The following FBH1 variants were observed in gnomAD, a reference collection of about 807,000 sequenced individuals.
FBH1 encodes F-box DNA helicase 1.
A neutral mutation model predicts 115.5 loss-of-function variants in FBH1; 43 were observed. That is an observed-to-expected ratio of 0.37 (90% confidence interval 0.29 to 0.48). The LOEUF is 0.48. FBH1 is among the 20% of genes least tolerant of loss of function. The probability of loss-of-function intolerance (pLI) is 0.99; values close to 1 mark genes in which losing one functional copy is unlikely to be tolerated. For missense variants in FBH1, 1,001 were observed against 1,337.3 expected (o/e 0.75, Z 3.92); for synonymous variants, 524 against 507.8 (o/e 1.03, Z -0.43).
chr10:5,936,866 T>C lies in FBH1; in HGVS notation c.2962-244T>C, dbSNP rs1343481884. On this transcript the variant is annotated intron_variant, in intron 20 of 20. Transcript: ENST00000362091. The surrounding 1 kb of genome is among the most constrained non-coding windows in gnomAD (Gnocchi z 5.6). ...TTCCCTGGGGTCCCAGCGCAGCTTT[T>C]CTTGGTTCTTTATCTTGACTGGATA... is the stretch of plus-strand genomic sequence containing the variant. The C allele has an allele frequency of 3.3e-6, 2 of 600,002 alleles. No individual in the cohort carries two copies. Among genetic ancestry groups the C allele is most frequent in the African/African-American group, 3.7e-5 (2 of 53,988 alleles). The allele number at this position is 600,002 out of a possible 1,614,324, so 37.2% of individuals were successfully genotyped here. A position where few individuals can be genotyped will look rare whatever the true frequency, so the allele number is the denominator to read the frequency against.
Position 5,917,010 on chromosome 10 carries a change from ATC to A in FBH1, c.1789-405_1789-404del, listed in dbSNP as rs1253518572. 2.4e-5 allele frequency: 5 copies of A among 208,150 alleles called. No homozygotes were observed. The highest frequency in any genetic ancestry group is 9.3e-5 in the African/African-American group (4 of 43,100). The allele number at this position is 208,150 out of a possible 1,614,324, so 12.9% of individuals were successfully genotyped here. Reference sequence around the variant, plus strand: ...AAACTGATCTTAACTGAAGGCTGGAATCTCTCCTGATTTTCTTGGGTTATTGG... The same window carrying A: ...AAACTGATCTTAACTGAAGGCTGGAATCTCCTGATTTTCTTGGGTTATTGG... On this transcript the variant is annotated intron_variant, in intron 10 of 20. Coordinates refer to ENST00000362091, the MANE Select transcript of FBH1 (RefSeq NM_178150.3). The surrounding 1 kb of genome is among the most constrained non-coding windows in gnomAD (Gnocchi z 5.6).
intron 1 of FBH1, chr10:5,891,212 C>T: frequency 3.1e-6 from 3 of 983,138 alleles, no homozygotes; most frequent in African/African-American, 1.7e-5. Context: ...AATGAAAAGA[C>T]TTCTGGAATG....
chr10:5,903,035 G>T lies in FBH1; in HGVS notation c.17G>T (p.Arg6Leu), dbSNP rs142553018. 1.9e-6 allele frequency: 3 copies of T among 1,611,830 alleles called. No homozygotes were observed. Among genetic ancestry groups the T allele is most frequent in the Non-Finnish European group, 2.5e-6 (3 of 1,178,826 alleles). Residue 6 changes from arginine to leucine, a missense_variant, in exon 2 of 21, where the codon CGG becomes CTG. Arg to Leu is a moderately radical substitution (Grantham distance 102). Transcript: ENST00000362091. MRRFK[R>L]KHLTAIDCQH... is the part of the protein sequence containing the mutation. The stretch of plus-strand genomic sequence containing the variant: ...TATGAAACAGTGAGACGGTTTAAGC[G>T]GAAGCATCTTACTGCCATTGACTGC...
rs1831887458 is a variant in FBH1 at position 5,915,745 on chromosome 10, C to T, written c.1565+174C>T. 2 of 614,226 alleles carry T rather than the reference C, an allele frequency of 3.3e-6. No individual in the cohort carries two copies. The highest frequency in any genetic ancestry group is 4.0e-5 in the South Asian group (2 of 49,914). 38.0% of individuals were successfully genotyped at this position (614,226 alleles called of 1,614,324 possible). A position where few individuals can be genotyped will look rare whatever the true frequency, so the allele number is the denominator to read the frequency against. ...TAGGTTTAGCCATTTGTACTTTTAT[C>T]CTGTAGCAACATATTGTTTACATAT... On this transcript the variant is annotated intron_variant, in intron 9 of 20. Transcript: ENST00000362091. The surrounding 1 kb of genome is among the most constrained non-coding windows in gnomAD (Gnocchi z 5.2).
intron 9 of FBH1, 93 bp from the exon 10 acceptor site, chr10:5,916,141 T>C: frequency 9.0e-7 from 1 of 1,115,458 alleles, no homozygotes; most frequent in Non-Finnish European, 1.3e-6. Context: ...CACTTGAAGC[T>C]ACCTCCTGGT....
At chr10:5,903,217 G>A (rs755851028) in intron 2 of FBH1, 42 bp downstream of exon 2, 2 of 1,494,202 alleles carry the variant, frequency 1.3e-6, no homozygotes, top group South Asian at 1.3e-5. Context: ...AACCTGTAGT[G>A]TGTGGGTCCT....
chr10:5,925,499 G>T lies in FBH1; in HGVS notation c.2722+7G>T. 1 of 1,613,578 alleles carries T rather than the reference G, an allele frequency of 6.2e-7. No individual in the cohort carries two copies. Among genetic ancestry groups the T allele is most frequent in the Non-Finnish European group, 8.5e-7 (1 of 1,179,984 alleles). ...CTTCCGCACTTCAGAGTTGGTAAGA[G>T]GCCGCCGGGTAGTGTCAGGTGCTGC... On this transcript the variant is annotated splice_region_variant and intron_variant, in intron 18 of 20. Transcript: ENST00000362091. The surrounding 1 kb of genome is among the most constrained non-coding windows in gnomAD (Gnocchi z 4.6).
Position 5,914,412 on chromosome 10 carries a change from A to C in FBH1, c.1396+143A>C, listed in dbSNP as rs142414351. 4 of 723,490 alleles carry C rather than the reference A, an allele frequency of 5.5e-6. No homozygotes were observed. The South Asian group carries it at 7.1e-5, about 13-fold the overall frequency. 44.8% of individuals were successfully genotyped at this position (723,490 alleles called of 1,614,324 possible). On this transcript the variant is annotated intron_variant, in intron 8 of 20. Coordinates refer to ENST00000362091, the MANE Select transcript of FBH1 (RefSeq NM_178150.3). This position sits in a 1 kb window ranked among gnomAD's most constrained non-coding sequence, Gnocchi z 5.2. ...AATAACAGATCAAATAATCAATCTC[A>C]AAAGCAATTGGCCAAGGAATACTTA...
chr10:5,903,426 G>A (rs1476142140), intron 2 of FBH1, among the ~76,000 whole-genome samples: 1 of 151,662 alleles, frequency 6.6e-6, no homozygotes. Context: ...TGCCTTTTGG[G>A]TTCAAGTGAT....
In FBH1 at chr10:5,925,547, G is replaced by T. The variant is rs1589108324; in HGVS notation, c.2722+55G>T. 1 of 1,603,470 alleles carries T rather than the reference G, an allele frequency of 6.2e-7. No homozygotes were observed. The highest frequency in any genetic ancestry group is 8.5e-7 in the Non-Finnish European group (1 of 1,175,144). ...TGCTGTATGTAGTGAGTGGTGACTG[G>T]AATGCTTCCTTTGCACGGCCTTGTT... On this transcript the variant is annotated intron_variant, in intron 18 of 20. Coordinates refer to ENST00000362091, the MANE Select transcript of FBH1 (RefSeq NM_178150.3). This position sits in a 1 kb window ranked among gnomAD's most constrained non-coding sequence, Gnocchi z 4.6.
chr10:5,891,852 A>G (rs1262287420), intron 1 of FBH1, among the ~76,000 whole-genome samples: 1 of 152,042 alleles, frequency 6.6e-6, no homozygotes, highest in African/African-American at 2.4e-5. Context: ...GCCTCAAGTA[A>G]TTCACCCAGC....
chr10:5,918,178 A>C lies in FBH1; in HGVS notation c.1964-164A>C, dbSNP rs1053643628. ...CCAGAAACTGTTTCTTTTGTCCATT[A>C]TAAAATGGCTGCTTTTGATGGAGTG... On this transcript the variant is annotated intron_variant, in intron 12 of 20. Coordinates refer to ENST00000362091, the MANE Select transcript of FBH1 (RefSeq NM_178150.3). The surrounding 1 kb of genome is among the most constrained non-coding windows in gnomAD (Gnocchi z 4.0). Among the ~76,000 whole-genome samples the C allele has an allele frequency of 1.2e-4, 19 of 152,250 alleles. No individual in the cohort carries two copies. Among genetic ancestry groups the C allele is most frequent in the African/African-American group, 4.6e-4 (19 of 41,460 alleles).
Position 5,918,479 on chromosome 10 carries a change from G to T in FBH1, c.2100+1G>T. 1 of 1,596,222 alleles carries T rather than the reference G, an allele frequency of 6.3e-7. No homozygotes were observed. Among genetic ancestry groups the T allele is most frequent in the Non-Finnish European group, 8.5e-7 (1 of 1,174,072 alleles). ...CACCCACGTCTTCTATCTCACGCAG[G>T]TAAGTGCGCACTCTGCATGGGAGGC... On this transcript the variant is annotated splice_donor_variant, in intron 13 of 20. Transcript: ENST00000362091. LOFTEE classifies it high-confidence loss of function. The surrounding 1 kb of genome is among the most constrained non-coding windows in gnomAD (Gnocchi z 4.0).
Position 5,921,169 on chromosome 10 carries a change from T to C in FBH1, c.2101-89T>C, listed in dbSNP as rs2132043712. 7.7e-7 allele frequency: 1 copy of C among 1,291,754 alleles called. No homozygotes were observed. The highest frequency in any genetic ancestry group is 2.3e-5 in the East Asian group (1 of 42,834). 80.0% of individuals were successfully genotyped at this position (1,291,754 alleles called of 1,614,324 possible). ...GGGGTCAGGAACAACTTGTAGGGTC[T>C]GGCCCGGCCAGGCTGTGGCAGCAGT... On this transcript the variant is annotated intron_variant, in intron 13 of 20. Coordinates refer to ENST00000362091, the MANE Select transcript of FBH1 (RefSeq NM_178150.3). The surrounding 1 kb of genome is among the most constrained non-coding windows in gnomAD (Gnocchi z 6.4).
In FBH1 at chr10:5,921,436, C is replaced by G. The variant is rs1170139139; in HGVS notation, c.2201-12C>G. 1.2e-6 allele frequency: 2 copies of G among 1,608,552 alleles called. No homozygotes were observed. ...TTCAATTTGCCATAGAGTTTGTGCT[C>G]TCTCCCTAAAGGTGGCATTAGAGGT... On this transcript the variant is annotated splice_polypyrimidine_tract_variant and intron_variant, in intron 14 of 20. Transcript: ENST00000362091. The surrounding 1 kb of genome is among the most constrained non-coding windows in gnomAD (Gnocchi z 6.4).
Position 5,909,027 on chromosome 10 carries a change from T to A in FBH1, c.856T>A (p.Ser286Thr). The change falls in exon 4 of 21, where the codon TCA becomes ACA. Residue 286 changes from serine to threonine, a missense_variant. Ser to Thr is a moderately conservative substitution (Grantham distance 58). Transcript: ENST00000362091. The surrounding 1 kb of genome is among the most constrained non-coding windows in gnomAD (Gnocchi z 4.4). The stretch of plus-strand genomic sequence containing the variant: ...GTCTAACTGTGGCATAGAAAAGGAG[T>A]CAGACCTGTGTGTGCTGAACCTCAT... ...ILSNCGIEKE[S>T]DLCVLNLIRY... The A allele has an allele frequency of 6.2e-7, 1 of 1,613,940 alleles. No homozygotes were observed. The highest frequency in any genetic ancestry group is 8.5e-7 in the Non-Finnish European group (1 of 1,179,976).
chr10:5,936,432 T>C lies in FBH1; in HGVS notation c.2830-24T>C. ...CCTAACGGAGGTGTCGCCATGACTC[T>C]CTTTCTCGCTCTTTCTTTCTCAGGA... On this transcript the variant is annotated intron_variant, in intron 19 of 20. Transcript: ENST00000362091. This position sits in a 1 kb window ranked among gnomAD's most constrained non-coding sequence, Gnocchi z 5.6. The C allele has an allele frequency of 1.2e-6, 2 of 1,611,006 alleles. No individual in the cohort carries two copies. Among genetic ancestry groups the C allele is most frequent in the Non-Finnish European group, 1.7e-6 (2 of 1,178,482 alleles).
chr10:5,911,197 AG>A lies in FBH1; in HGVS notation c.1211+70del. 2 of 1,473,244 alleles carry A rather than the reference AG, an allele frequency of 1.4e-6. No individual in the cohort carries two copies. Among genetic ancestry groups the A allele is most frequent in the Admixed American group, 3.8e-5 (2 of 52,348 alleles). The allele number at this position is 1,473,244 out of a possible 1,614,324, so 91.3% of individuals were successfully genotyped here. On this transcript the variant is annotated intron_variant, in intron 6 of 20. Transcript: ENST00000362091. The surrounding 1 kb of genome is among the most constrained non-coding windows in gnomAD (Gnocchi z 5.4). ...GAGTCCCAGACACAGCAGCAGGTCC[AG>A]CCCTGCCACTTAGCAGTGTTAGCAC... is the stretch of plus-strand genomic sequence containing the variant.
At position 5,915,505 on chromosome 10, in the gene FBH1, G is replaced by A. The variant is rs1043995211; in HGVS notation, c.1499G>A (p.Arg500His). 8 of 1,614,086 alleles carry A rather than the reference G, an allele frequency of 5.0e-6. No homozygotes were observed. The highest frequency in any genetic ancestry group is 4.2e-6 in the Non-Finnish European group (5 of 1,180,038). ...AAGAGCATCGCAAAGCAGGCCGAAC[G>A]CGTCTTCCCCAGCAACGTCATCTGC... is the stretch of plus-strand genomic sequence containing the variant. ...FNKSIAKQAERVFPSNVICKT... is the reference protein window; with the variant it reads ...FNKSIAKQAEHVFPSNVICKT... The change falls in exon 9 of 21, where the codon CGC becomes CAC. Residue 500 changes from arginine to histidine, a missense_variant. Arg to His is a conservative substitution (Grantham distance 29, BLOSUM62 0). Coordinates refer to ENST00000362091, the MANE Select transcript of FBH1 (RefSeq NM_178150.3). The surrounding 1 kb of genome is among the most constrained non-coding windows in gnomAD (Gnocchi z 5.2).
Sources: gnomAD v4.1 joint callset for allele counts (sites outside exome capture counted in the v4.1 genomes callset) on GRCh38, gnomAD v4.1.1 for gene constraint, Gnocchi (gnomAD v3.1) non-coding constraint, MANE v1.5 for transcripts, NCBI Gene and HGNC (gene_info 2026-07-23, HGNC 2026-07-21) for gene names.